Variants in PDGFC observed in about 807,000 individuals in gnomAD.
The protein encoded by PDGFC is platelet derived growth factor C, also known as platelet-derived growth factor C.
Under a neutral mutation model 35.5 loss-of-function variants are expected in PDGFC, and 12 were observed. The ratio of observed to expected loss-of-function variants is 0.34; its 90% CI spans 0.22 to 0.55. The LOEUF is 0.55. Among genes scored for constraint, PDGFC ranks in the 20% least tolerant of loss-of-function variants. PDGFC has a pLI of 0.91. For missense variants in PDGFC, 322 were observed against 412.4 expected (o/e 0.78, Z 1.90); for synonymous variants, 159 against 148.8 (o/e 1.07, Z -0.50).
intron 2 of PDGFC, among the ~76,000 whole-genome samples, chr4:156,849,132 G>A (rs745385293): frequency 5.1e-4 from 78 of 151,902 alleles, no homozygotes; most frequent in Non-Finnish European, 7.7e-4. Flanking sequence ...AGGAAAAATG[G>A]GTTTAGCATT....
At chr4:156,970,714 T>A (rs1017464548) in intron 1 of PDGFC, 72 bp downstream of exon 1, 1 of 921,226 alleles carries the variant, frequency 1.1e-6, no homozygotes, top group Non-Finnish European at 1.8e-6. Context: ...ATATATCACA[T>A]ACCAACGCAC....
intron 1 of PDGFC, among the ~76,000 whole-genome samples, chr4:156,862,849 C>T (rs752673909): frequency 3.3e-5 from 5 of 151,940 alleles, no homozygotes; most frequent in Non-Finnish European, 4.4e-5. Context: ...CACCTGCCAC[C>T]GCGCCTGGCC....
intron 1 of PDGFC, among the ~76,000 whole-genome samples, chr4:156,941,068 G>A (rs1731793436): frequency 6.6e-6 from 1 of 152,072 alleles, no homozygotes; most frequent in African/African-American, 2.4e-5. Context: ...AGTCTTCACA[G>A]GTGTAAGAGA....
intron 1 of PDGFC, among the ~76,000 whole-genome samples, chr4:156,891,105 T>G (rs1362903407): frequency 6.6e-6 from 1 of 151,870 alleles, no homozygotes; most frequent in Non-Finnish European, 1.5e-5. Flanking sequence ...CTGTACAGCA[T>G]GTTACTAAAC....
chr4:156,853,318 A>G (rs192580775), intron 1 of PDGFC, among the ~76,000 whole-genome samples: 3 of 152,290 alleles, frequency 2.0e-5, no homozygotes, highest in Admixed American at 2.0e-4. Flanking sequence ...GAAAGACACA[A>G]TGTGAAGGGT....
rs1338548840 is a variant in PDGFC at position 156,800,271 on chromosome 4, C to G, written c.495+10566G>C. ...TCAAATTGATACAATTAAGCATTTT[C>G]TTTCCAAAAGCTTAAAATATATGAG... On this transcript the variant is annotated intron_variant, in intron 3 of 5. Coordinates refer to ENST00000502773, the MANE Select transcript of PDGFC (RefSeq NM_016205.3). Among the ~76,000 whole-genome samples the G allele has an allele frequency of 2.0e-5, 3 of 152,190 alleles. No homozygotes were observed. In the East Asian group the frequency reaches 5.8e-4, roughly 29 times the overall value.
chr4:156,963,391 G>A (rs1381460279), intron 1 of PDGFC, among the ~76,000 whole-genome samples: 1 of 151,994 alleles, frequency 6.6e-6, no homozygotes, highest in Non-Finnish European at 1.5e-5. Flanking sequence ...CATCACCTGA[G>A]CCTGGGGAAG....
chr4:156,869,644 T>C (rs1380384304), intron 1 of PDGFC, among the ~76,000 whole-genome samples: 2 of 152,192 alleles, frequency 1.3e-5, no homozygotes, highest in Non-Finnish European at 2.9e-5. Context: ...TGTGTACCAC[T>C]GGATATTGAA....
rs1042824490 is a variant in PDGFC, at chr4:156,872,552, C to A, written c.119-22136G>T. ...GCCTGATGCACATCCTTCAGACTCA[C>A]ACACTTTGCAACTTAAGCTTATAGG... On this transcript the variant is annotated intron_variant, in intron 1 of 5. Coordinates refer to ENST00000502773, the MANE Select transcript of PDGFC (RefSeq NM_016205.3). Among the ~76,000 whole-genome samples, 51 of 152,188 alleles carry A rather than the reference C, an allele frequency of 3.4e-4. 1 individual carries two copies. The highest frequency in any genetic ancestry group is 6.6e-4 in the Non-Finnish European group (45 of 68,042).
chr4:156,952,143 T>C (rs1368451346), intron 1 of PDGFC, among the ~76,000 whole-genome samples: 1 of 151,802 alleles, frequency 6.6e-6, no homozygotes, highest in Admixed American at 6.6e-5. Context: ...GTGTTTCAAA[T>C]AATCAAAACT....
chr4:156,921,237 G>C (rs79745011), intron 1 of PDGFC, among the ~76,000 whole-genome samples: 1 of 152,140 alleles, frequency 6.6e-6, no homozygotes, highest in Non-Finnish European at 1.5e-5. Context: ...TGCCGCATGC[G>C]TGAAATAACG....
intron 2 of PDGFC, among the ~76,000 whole-genome samples, chr4:156,844,852 A>T (rs1229787162): frequency 6.6e-6 from 1 of 152,018 alleles, no homozygotes; most frequent in Non-Finnish European, 1.5e-5. Flanking sequence ...TATTAAAATA[A>T]TTTAATGCAA....
intron 3 of PDGFC, among the ~76,000 whole-genome samples, chr4:156,803,182 A>G (rs1277966449): frequency 6.6e-6 from 1 of 152,106 alleles, no homozygotes; most frequent in African/African-American, 2.4e-5. Flanking sequence ...TTATTAGAAA[A>G]CCAAATGTGT....
chr4:156,939,428 T>C (rs1238458611), intron 1 of PDGFC, among the ~76,000 whole-genome samples: 3 of 152,030 alleles, frequency 2.0e-5, no homozygotes, highest in Non-Finnish European at 4.4e-5. Context: ...CAGCAAGGCC[T>C]TATTCTCAGT....
intron 1 of PDGFC, among the ~76,000 whole-genome samples, chr4:156,934,342 T>C (rs777848489): frequency 7.2e-5 from 11 of 152,216 alleles, no homozygotes; most frequent in South Asian, 2.1e-4. Context: ...TATCTAAACA[T>C]AGAAAAGGTA....
chr4:156,872,749 T>C (rs1171090455), intron 1 of PDGFC, among the ~76,000 whole-genome samples: 1 of 152,216 alleles, frequency 6.6e-6, no homozygotes, highest in Non-Finnish European at 1.5e-5. Flanking sequence ...CTGTACCAAA[T>C]AAACATTTAA....
chr4:156,839,617 G>A (rs553700793), intron 2 of PDGFC, among the ~76,000 whole-genome samples: 116 of 152,270 alleles, frequency 7.6e-4, no homozygotes, highest in African/African-American at 2.1e-3. Flanking sequence ...AACCAATTTC[G>A]GAACTGGGTA....
Position 156,873,019 on chromosome 4 carries a change from A to C in PDGFC, c.119-22603T>G, listed in dbSNP as rs1277708300. 4.6e-5 allele frequency among the ~76,000 whole-genome samples: 7 copies of C among 152,120 alleles called. 1 individual carries two copies. Among genetic ancestry groups the C allele is most frequent in the Non-Finnish European group, 1.0e-4 (7 of 68,016 alleles). Reference sequence around the variant, plus strand: ...GTGTTGTACACCTGTAGTCCCAGCTACTCAGGAGACTGAGGGCAGAAGGAT... The same window carrying C: ...GTGTTGTACACCTGTAGTCCCAGCTCCTCAGGAGACTGAGGGCAGAAGGAT... On this transcript the variant is annotated intron_variant, in intron 1 of 5. Transcript: ENST00000502773.
intron 3 of PDGFC, among the ~76,000 whole-genome samples, chr4:156,805,687 G>A (rs2110928635): frequency 6.6e-6 from 1 of 151,940 alleles, no homozygotes; most frequent in African/African-American, 2.4e-5. Flanking sequence ...AGCAAATTTG[G>A]CTTTCAGTTA....
Sources: allele counts gnomAD v4.1 joint callset (sites outside exome capture counted in the v4.1 genomes callset), GRCh38; gene constraint gnomAD v4.1.1; transcripts MANE v1.5; gene names NCBI Gene and HGNC (gene_info 2026-07-23, HGNC 2026-07-21).